The following STK38L variants were observed in gnomAD, a reference collection of about 807,000 sequenced individuals.
STK38L encodes serine/threonine-protein kinase 38-like.
A neutral mutation model predicts 59.7 loss-of-function variants in STK38L; 28 were observed. The ratio of observed to expected loss-of-function variants is 0.47; its 90% CI spans 0.35 to 0.64. The LOEUF (loss-of-function observed/expected upper bound fraction) is 0.64, where lower values mean the gene tolerates loss of function less well. Among genes scored for constraint, STK38L ranks in the 30% least tolerant of loss-of-function variants. STK38L has a pLI of 0.01. For synonymous variants in STK38L, 162 were observed against 176.8 expected, an observed-to-expected ratio of 0.92 and a Z score of 0.66; for missense variants, 314 against 555.8, an observed-to-expected ratio of 0.56 and a Z score of 4.37.
intron 1 of STK38L, among the ~76,000 whole-genome samples, chr12:27,267,079 C>T (rs994099187): frequency 6.6e-6 from 1 of 152,154 alleles, no homozygotes; most frequent in Non-Finnish European, 1.5e-5. Flanking sequence ...AGGTTTTAAG[C>T]TCTTCTTTTA....
intron 1 of STK38L, among the ~76,000 whole-genome samples, chr12:27,275,884 A>T (rs1159285221): frequency 6.6e-6 from 1 of 152,192 alleles, no homozygotes; most frequent in Non-Finnish European, 1.5e-5. Flanking sequence ...GGCTAAAGGG[A>T]ACATAGATAT....
intron 1 of STK38L, among the ~76,000 whole-genome samples, chr12:27,265,340 C>A (rs1432508709): frequency 1.3e-5 from 2 of 152,058 alleles, no homozygotes; most frequent in Admixed American, 6.6e-5. Context: ...ATAATTTTCC[C>A]ATGTCATGAA....
chr12:27,250,419 T>G (rs1187753732), intron 1 of STK38L, among the ~76,000 whole-genome samples: 2 of 152,226 alleles, frequency 1.3e-5, no homozygotes, highest in Admixed American at 6.5e-5. Flanking sequence ...TATATAGATT[T>G]AGCTCCCTGA....
intron 1 of STK38L, among the ~76,000 whole-genome samples, chr12:27,289,439 C>T (rs867225825): frequency 7.9e-5 from 12 of 152,314 alleles, no homozygotes; most frequent in Non-Finnish European, 1.2e-4. Flanking sequence ...ATCATTACTA[C>T]AGCCAAATAA....
At chr12:27,289,805 T>G (rs1943856232) in intron 1 of STK38L, among the ~76,000 whole-genome samples, 1 of 152,266 alleles carries the variant, frequency 6.6e-6, no homozygotes. Context: ...CCTCTAGTTC[T>G]ACCCCAAATC....
chr12:27,292,615 C>CTACT (rs76392635), intron 1 of STK38L, among the ~76,000 whole-genome samples: 7,143 of 152,242 alleles, frequency 0.047, 437 homozygotes, highest in East Asian at 0.33. Flanking sequence ...TACAGACTGC[C>CTACT]TACTGTGTGC....
At chr12:27,315,402 C>T in intron 9 of STK38L, 52 bp downstream of exon 9, 1 of 1,435,690 alleles carries the variant, frequency 7.0e-7, no homozygotes, top group Non-Finnish European at 9.7e-7. Flanking sequence ...TAAAATCTTA[C>T]CTGGTTTTAA....
chr12:27,295,538 C>A (rs1325437824), intron 1 of STK38L, among the ~76,000 whole-genome samples: 1 of 152,216 alleles, frequency 6.6e-6, no homozygotes. Flanking sequence ...ACTACTGTTA[C>A]TGCGCCCCCT....
chr12:27,261,568 C>T (rs1404908012), intron 1 of STK38L, among the ~76,000 whole-genome samples: 1 of 152,124 alleles, frequency 6.6e-6, no homozygotes, highest in African/African-American at 2.4e-5. Flanking sequence ...TCAGAGCATG[C>T]CCAGCCAGCT....
chr12:27,268,268 T>C (rs796134356), intron 1 of STK38L, among the ~76,000 whole-genome samples: 1 of 152,044 alleles, frequency 6.6e-6, no homozygotes. Context: ...CCCTCCCCCT[T>C]TCCCCCCACC....
intron 1 of STK38L, among the ~76,000 whole-genome samples, chr12:27,252,791 C>G: frequency 6.6e-6 from 1 of 152,076 alleles, no homozygotes; most frequent in Non-Finnish European, 1.5e-5. Context: ...ACTGGCAAAT[C>G]CTAAAGGAAT....
chr12:27,287,126 G>T, intron 1 of STK38L, among the ~76,000 whole-genome samples: 1 of 146,450 alleles, frequency 6.8e-6, no homozygotes, highest in African/African-American at 2.6e-5. Flanking sequence ...TTGAGATGGA[G>T]TTTCACTCTG....
At chr12:27,300,982 T>C (rs1354259384) in intron 2 of STK38L, among the ~76,000 whole-genome samples, 2 of 152,212 alleles carry the variant, frequency 1.3e-5, no homozygotes, top group African/African-American at 4.8e-5. Context: ...AAAGTTACTG[T>C]TATTCTGACA....
At chr12:27,246,510 T>A (rs1283630779) in intron 1 of STK38L, among the ~76,000 whole-genome samples, 1 of 152,238 alleles carries the variant, frequency 6.6e-6, no homozygotes, top group Admixed American at 6.5e-5. Flanking sequence ...ATTGGCAAGT[T>A]ATGATTAGGT....
intron 12 of STK38L, among the ~76,000 whole-genome samples, chr12:27,320,726 G>A (rs1158928933): frequency 6.6e-6 from 1 of 151,632 alleles, no homozygotes; most frequent in Non-Finnish European, 1.5e-5. Context: ...TTACAAGTGA[G>A]GAAACTAAGG....
chr12:27,320,982 A>C (rs1014364322), intron 12 of STK38L, among the ~76,000 whole-genome samples: 13 of 151,996 alleles, frequency 8.6e-5, no homozygotes, highest in African/African-American at 2.9e-4. Context: ...TCCCTTTTAC[A>C]GTGGGAAGGA....
Position 27,324,130 on chromosome 12 carries a change from C to T in STK38L, c.*1675C>T, listed in dbSNP as rs1944790157. The T allele has an allele frequency of 6.6e-6, 1 of 152,036 alleles. No individual in the cohort carries two copies. The highest frequency in any genetic ancestry group is 1.5e-5 in the Non-Finnish European group (1 of 67,938). 9.4% of individuals were successfully genotyped at this position (152,036 alleles called of 1,614,324 possible). A position where few individuals can be genotyped will look rare whatever the true frequency, so the allele number is the denominator to read the frequency against. On this transcript the variant is annotated 3_prime_UTR_variant, in exon 14 of 14. Coordinates refer to ENST00000389032, the MANE Select transcript of STK38L (RefSeq NM_015000.4). ...AGGCCATCCTGTTTCCCCCAACTCCCCCATTTTTGGTTTGTTTCTTTTTAA... is the reference window on the plus strand; with the variant it reads ...AGGCCATCCTGTTTCCCCCAACTCCTCCATTTTTGGTTTGTTTCTTTTTAA...
Position 27,270,106 on chromosome 12 carries a change from G to A in STK38L, c.-12+25774G>A, listed in dbSNP as rs184991079. 7.9e-4 allele frequency among the ~76,000 whole-genome samples: 121 copies of A among 152,248 alleles called. 3 individuals are homozygous for A. Among genetic ancestry groups the A allele is most frequent in the Admixed American group, 7.8e-3 (119 of 15,292 alleles). On this transcript the variant is annotated intron_variant, in intron 1 of 13. Coordinates refer to ENST00000389032, the MANE Select transcript of STK38L (RefSeq NM_015000.4). ...TCTCCGAATGTACTGGGATTATTTCGAAGACAAAACATTTTTGGCACTGTG... is the reference window on the plus strand; with the variant it reads ...TCTCCGAATGTACTGGGATTATTTCAAAGACAAAACATTTTTGGCACTGTG...
intron 1 of STK38L, among the ~76,000 whole-genome samples, chr12:27,270,020 C>T (rs1177163550): frequency 1.3e-5 from 2 of 152,088 alleles, no homozygotes; most frequent in African/African-American, 2.4e-5. Context: ...CATTTAATCC[C>T]GTATTCAAAC....
Sources: allele counts gnomAD v4.1 joint callset (sites outside exome capture counted in the v4.1 genomes callset), GRCh38; gene constraint gnomAD v4.1.1; transcripts MANE v1.5; gene names NCBI Gene and HGNC (gene_info 2026-07-23, HGNC 2026-07-21).